REV3L: variants seen among roughly 807,000 people sequenced by gnomAD.
The protein encoded by REV3L is REV3 like, DNA directed polymerase zeta catalytic subunit, also known as DNA polymerase zeta catalytic subunit.
REV3L carries 69 observed loss-of-function variants against 299.4 expected under a neutral mutation model. That is an observed-to-expected ratio of 0.23 (90% CI 0.19 to 0.28). REV3L has a LOEUF of 0.28. REV3L is among the 10% of genes least tolerant of loss of function. REV3L has a pLI of 1.00. For synonymous variants in REV3L, 1,238 were observed against 1,271.4 expected (o/e 0.97, Z 0.56); for missense variants, 3,128 against 3,693.8 (o/e 0.85, Z 3.97).
intron 27 of REV3L, 134 bp downstream of exon 27, chr6:111,315,133 A>T (rs572464919): frequency 7.2e-6 from 5 of 695,524 alleles, no homozygotes; most frequent in African/African-American, 5.3e-5. Flanking sequence ...TACAGACATG[A>T]GCCAGTGACC....
At chr6:111,480,189 A>G (rs970851449) in intron 1 of REV3L, among the ~76,000 whole-genome samples, 2 of 152,246 alleles carry the variant, frequency 1.3e-5, no homozygotes, top group Admixed American at 6.5e-5. Context: ...TAATTCTTAT[A>G]TATGAAAAAA....
At chr6:111,339,053 G>A (rs1401402171) in intron 21 of REV3L, among the ~76,000 whole-genome samples, 1 of 151,928 alleles carries the variant, frequency 6.6e-6, no homozygotes, top group African/African-American at 2.4e-5. Context: ...TGAAACTGTT[G>A]TAAGGTGTTA....
chr6:111,457,663 T>C (rs1790304198), intron 1 of REV3L, among the ~76,000 whole-genome samples: 1 of 151,058 alleles, frequency 6.6e-6, no homozygotes, highest in Non-Finnish European at 1.5e-5. Flanking sequence ...AAAACAAGTA[T>C]TAAAAAAACA....
chr6:111,301,519 A>G (rs1352128442), intron 31 of REV3L, among the ~76,000 whole-genome samples: 1 of 152,078 alleles, frequency 6.6e-6, no homozygotes, highest in Non-Finnish European at 1.5e-5. Flanking sequence ...AAAAAAAAAA[A>G]TCAAATAATG....
At chr6:111,347,099 G>C in intron 20 of REV3L, among the ~76,000 whole-genome samples, 1 of 151,910 alleles carries the variant, frequency 6.6e-6, no homozygotes, top group Non-Finnish European at 1.5e-5. Flanking sequence ...GAAAAACCGT[G>C]TCTCTACTAA....
At chr6:111,459,908 C>A (rs915600333) in intron 1 of REV3L, among the ~76,000 whole-genome samples, 1 of 152,240 alleles carries the variant, frequency 6.6e-6, no homozygotes, top group African/African-American at 2.4e-5. Flanking sequence ...CTAGCAATCC[C>A]ATTACTGGGT....
At chr6:111,332,875 G>T (rs1182659725) in intron 23 of REV3L, among the ~76,000 whole-genome samples, 1 of 152,186 alleles carries the variant, frequency 6.6e-6, no homozygotes, top group Non-Finnish European at 1.5e-5. Context: ...CATATGGAGT[G>T]AAACAGTTGC....
At chr6:111,420,240 C>T (rs1019111401) in intron 1 of REV3L, among the ~76,000 whole-genome samples, 2 of 152,198 alleles carry the variant, frequency 1.3e-5, no homozygotes, top group African/African-American at 2.4e-5. Flanking sequence ...ACTCTATTAA[C>T]GTAAACTGAT....
At chr6:111,472,818 C>T (rs542143684) in intron 1 of REV3L, among the ~76,000 whole-genome samples, 59 of 152,112 alleles carry the variant, frequency 3.9e-4, no homozygotes, top group African/African-American at 1.4e-3. Flanking sequence ...CACACACACA[C>T]CAAACAAAAA....
At chr6:111,479,500 C>A (rs943822753) in intron 1 of REV3L, among the ~76,000 whole-genome samples, 2 of 146,854 alleles carry the variant, frequency 1.4e-5, no homozygotes, top group Non-Finnish European at 3.0e-5. Flanking sequence ...TCTGAATATC[C>A]CCCCCCGCCT....
intron 17 of REV3L, among the ~76,000 whole-genome samples, chr6:111,358,381 T>C (rs1369285457): frequency 6.6e-6 from 1 of 152,116 alleles, no homozygotes; most frequent in African/African-American, 2.4e-5. Flanking sequence ...AGTATTTTTA[T>C]AAAATAATAC....
Position 111,315,260 on chromosome 6 carries a change from C to T in REV3L, c.8466+7G>A. The T allele has an allele frequency of 6.2e-7, 1 of 1,606,806 alleles. No individual in the cohort carries two copies. The highest frequency in any genetic ancestry group is 1.1e-5 in the South Asian group (1 of 90,824). ...ATATGTAATTACTAATATTACATTCCTCTTACCTTTTCAAACTTCAATTTC... is the reference window on the plus strand; with the variant it reads ...ATATGTAATTACTAATATTACATTCTTCTTACCTTTTCAAACTTCAATTTC... On this transcript the variant is annotated splice_region_variant and intron_variant, in intron 27 of 31. Transcript: ENST00000368802.
At chr6:111,364,016 G>T in intron 15 of REV3L, 38 bp from the exon 16 acceptor site, 1 of 1,571,980 alleles carries the variant, frequency 6.4e-7, no homozygotes. Context: ...GCCAGAAAAA[G>T]ATACATGAGC....
chr6:111,440,872 A>C (rs1288448929), intron 1 of REV3L, among the ~76,000 whole-genome samples: 1 of 152,198 alleles, frequency 6.6e-6, no homozygotes. Context: ...CACACAGAAT[A>C]ATTCGAGGTT....
At chr6:111,459,156 A>G (rs776572261) in intron 1 of REV3L, among the ~76,000 whole-genome samples, 1 of 152,184 alleles carries the variant, frequency 6.6e-6, no homozygotes, top group African/African-American at 2.4e-5. Flanking sequence ...GATGTTCAAC[A>G]AAGTTGACAA....
At chr6:111,416,134 A>C in intron 2 of REV3L, 149 bp downstream of exon 2, 2 of 489,022 alleles carry the variant, frequency 4.1e-6, no homozygotes, top group Non-Finnish European at 6.7e-6. Flanking sequence ...TTGCCATAAA[A>C]ATTCATGTTA....
chr6:111,360,441 ATGTGCTC>A (rs1778531684), intron 16 of REV3L, among the ~76,000 whole-genome samples: 1 of 143,124 alleles, frequency 7.0e-6, no homozygotes, highest in Non-Finnish European at 1.5e-5. Context: ...ATACTATTGC[ATGTGCTC>A]ATTGTAAATT....
chr6:111,481,606 A>T (rs933978619), intron 1 of REV3L, among the ~76,000 whole-genome samples: 1 of 152,244 alleles, frequency 6.6e-6, no homozygotes, highest in Non-Finnish European at 1.5e-5. Context: ...GACTGTAGTA[A>T]TAAGATGAAT....
intron 9 of REV3L, among the ~76,000 whole-genome samples, chr6:111,384,206 G>C (rs1433237620): frequency 6.6e-6 from 1 of 151,914 alleles, no homozygotes; most frequent in Non-Finnish European, 1.5e-5. Flanking sequence ...AGATTTTTTG[G>C]GAAATATCCC....
Sources: gnomAD v4.1 joint callset for allele counts (sites outside exome capture counted in the v4.1 genomes callset) on GRCh38, gnomAD v4.1.1 for gene constraint, MANE v1.5 for transcripts, NCBI Gene and HGNC (gene_info 2026-07-23, HGNC 2026-07-21) for gene names.